AFG2A: variants seen among roughly 807,000 people sequenced by gnomAD.
The protein encoded by AFG2A is ATPase family gene 2 protein homolog A.
At chr4:123,017,133 C>G in the AFG2A span, among the ~76,000 whole-genome samples, 1 of 104,458 alleles carries the variant, frequency 9.6e-6, no homozygotes, top group African/African-American at 3.8e-5. Context: ...AGAGGGAGAC[C>G]GTGGGGAGAG....
the AFG2A span, among the ~76,000 whole-genome samples, chr4:123,203,890 G>A: frequency 1.3e-5 from 2 of 152,138 alleles, no homozygotes; most frequent in African/African-American, 4.8e-5. Flanking sequence ...ATGTCTCATC[G>A]GGCTAAAATC....
At chr4:123,059,075 A>G in the AFG2A span, among the ~76,000 whole-genome samples, 3 of 152,120 alleles carry the variant, frequency 2.0e-5, no homozygotes, top group Non-Finnish European at 4.4e-5. Context: ...TTAAAGGGCT[A>G]AAGGCCCCAT....
chr4:123,127,795 G>A, the AFG2A span, among the ~76,000 whole-genome samples: 1 of 152,062 alleles, frequency 6.6e-6, no homozygotes, highest in Admixed American at 6.5e-5. Flanking sequence ...AGAGGCTATA[G>A]TATAACACTA....
At chr4:122,927,824 A>G in the AFG2A span, 1 of 1,584,540 alleles carries the variant, frequency 6.3e-7, no homozygotes, top group Middle Eastern at 1.7e-4. Context: ...CAAGAATCTA[A>G]ACTCTGAAAT....
chr4:123,061,385 G>T, the AFG2A span, among the ~76,000 whole-genome samples: 1 of 152,176 alleles, frequency 6.6e-6, no homozygotes, highest in Non-Finnish European at 1.5e-5. Flanking sequence ...TAAAGAAAAA[G>T]AGGTTTAATG....
At chr4:122,980,140 C>A in the AFG2A span, among the ~76,000 whole-genome samples, 1 of 152,096 alleles carries the variant, frequency 6.6e-6, no homozygotes, top group African/African-American at 2.4e-5. Context: ...CTCATTCCTC[C>A]CCTCATTTCT....
At chr4:123,212,876 G>T in the AFG2A span, among the ~76,000 whole-genome samples, 87,163 of 152,012 alleles carry the variant, frequency 0.57, 27,417 homozygotes, top group Non-Finnish European at 0.69. Flanking sequence ...TAAAAATCAG[G>T]ATATTTAAAA....
the AFG2A span, among the ~76,000 whole-genome samples, chr4:123,057,997 A>G: frequency 6.6e-6 from 1 of 152,298 alleles, no homozygotes; most frequent in East Asian, 1.9e-4. Flanking sequence ...ATTACAGTGA[A>G]GGGTGAAGAC....
At chr4:123,117,932 A>G in the AFG2A span, among the ~76,000 whole-genome samples, 2 of 152,022 alleles carry the variant, frequency 1.3e-5, no homozygotes, top group Admixed American at 6.6e-5. Flanking sequence ...AAGAAATTAG[A>G]TCTCAGATGG....
chr4:123,120,388 G>A, the AFG2A span, among the ~76,000 whole-genome samples: 448 of 152,224 alleles, frequency 2.9e-3, 1 homozygote, highest in Middle Eastern at 0.01. Flanking sequence ...AAGAGCTTCA[G>A]TGCACTTGTG....
the AFG2A span, among the ~76,000 whole-genome samples, chr4:122,995,814 A>C: frequency 6.6e-6 from 1 of 152,202 alleles, no homozygotes; most frequent in Non-Finnish European, 1.5e-5. Flanking sequence ...GTGCTCTTTA[A>C]ATACTTCATG....
the AFG2A span, among the ~76,000 whole-genome samples, chr4:122,962,156 C>T: frequency 8.1e-4 from 124 of 152,316 alleles, no homozygotes; most frequent in Non-Finnish European, 1.6e-3. Flanking sequence ...TGATAGGAGG[C>T]GGAGCTCAGG....
At chr4:122,924,820 C>T in the AFG2A span, among the ~76,000 whole-genome samples, 1 of 152,044 alleles carries the variant, frequency 6.6e-6, no homozygotes, top group East Asian at 1.9e-4. Context: ...CACAGATCAG[C>T]ACTTTTCTAA....
the AFG2A span, among the ~76,000 whole-genome samples, chr4:123,099,195 T>C: frequency 1.3e-5 from 2 of 152,016 alleles, no homozygotes; most frequent in African/African-American, 4.8e-5. Context: ...TTGCCCATTT[T>C]TTAATCAGGT....
the AFG2A span, chr4:122,938,107 T>C: frequency 2.2e-5 from 34 of 1,568,334 alleles, no homozygotes; most frequent in Non-Finnish European, 2.8e-5. Context: ...GAGATTTCAT[T>C]TTACTTGTTT....
At chr4:122,965,199 G>C in the AFG2A span, among the ~76,000 whole-genome samples, 10 of 152,136 alleles carry the variant, frequency 6.6e-5, no homozygotes, top group Non-Finnish European at 1.3e-4. Context: ...TAACTTCTCT[G>C]ATCAGTTTAA....
chr4:123,118,083 T>A, the AFG2A span, among the ~76,000 whole-genome samples: 1 of 151,408 alleles, frequency 6.6e-6, no homozygotes, highest in Non-Finnish European at 1.5e-5. Flanking sequence ...TTTTAAAAGA[T>A]ATTTTGTTAA....
chr4:123,040,693 A>C, the AFG2A span, among the ~76,000 whole-genome samples: 2 of 152,228 alleles, frequency 1.3e-5, no homozygotes, highest in African/African-American at 4.8e-5. Context: ...AATCCTTAGA[A>C]GTATGAGAAC....
At chr4:123,173,501 G>A in the AFG2A span, among the ~76,000 whole-genome samples, 16 of 151,500 alleles carry the variant, frequency 1.1e-4, no homozygotes, top group Admixed American at 4.6e-4. Flanking sequence ...GCTTACAGGC[G>A]CCCACCACCA....
Sources: allele counts gnomAD v4.1 joint callset (sites outside exome capture counted in the v4.1 genomes callset), GRCh38; gene constraint gnomAD v4.1.1; transcripts MANE v1.5; gene names NCBI Gene and HGNC (gene_info 2026-07-23, HGNC 2026-07-21).